The following GLRA3 variants were observed in gnomAD, a reference collection of about 807,000 sequenced individuals.
The protein encoded by GLRA3 is glycine receptor subunit alpha-3.
GLRA3 carries 44 observed loss-of-function variants against 60.4 expected under a neutral mutation model. The ratio of observed to expected loss-of-function variants is 0.73; its 90% confidence interval spans 0.57 to 0.94. The LOEUF (loss-of-function observed/expected upper bound fraction) is 0.94. Ranked by LOEUF, GLRA3 falls within the 40% of genes least tolerant of loss-of-function variation. The pLI is 0.00. For synonymous variants in GLRA3, 223 were observed against 192.9 expected, an observed-to-expected ratio of 1.16 and a Z score of -1.29; for missense variants, 508 against 564.6, an observed-to-expected ratio of 0.90 and a Z score of 1.02.
At position 174,651,761 on chromosome 4, in the gene GLRA3, C is replaced by T. The variant is rs1449160381; in HGVS notation, c.1116+4982G>A. On this transcript the variant is annotated intron_variant, in intron 9 of 9. Coordinates refer to ENST00000274093, the MANE Select transcript of GLRA3 (RefSeq NM_006529.4). ...ACAATACATGGGTTTTGCCATGTGA[C>T]TGCTAGAATTCCTTGCAAATCTAAT... Among the ~76,000 whole-genome samples, 4 of 152,176 alleles carry T rather than the reference C, an allele frequency of 2.6e-5. No homozygotes were observed. In the East Asian group the frequency reaches 7.7e-4, roughly 29 times the overall value.
At chr4:174,800,425 C>T (rs1021400207) in intron 1 of GLRA3, among the ~76,000 whole-genome samples, 4 of 152,136 alleles carry the variant, frequency 2.6e-5, no homozygotes, top group African/African-American at 4.8e-5. Flanking sequence ...ATTTCTACAT[C>T]AGACATTCTG....
chr4:174,750,401 T>G (rs1268196863), intron 3 of GLRA3, among the ~76,000 whole-genome samples: 2 of 152,144 alleles, frequency 1.3e-5, no homozygotes, highest in East Asian at 3.9e-4. Context: ...TAGTCTGTCA[T>G]ATATGAGACA....
chr4:174,700,387 T>C (rs1285196740), intron 5 of GLRA3, among the ~76,000 whole-genome samples: 1 of 152,208 alleles, frequency 6.6e-6, no homozygotes, highest in Non-Finnish European at 1.5e-5. Flanking sequence ...TCAAACTTTG[T>C]CATTATTACG....
chr4:174,647,330 C>T (rs1020869273), intron 9 of GLRA3, among the ~76,000 whole-genome samples: 3 of 151,606 alleles, frequency 2.0e-5, no homozygotes, highest in Non-Finnish European at 2.9e-5. Context: ...ATTGCTTGAA[C>T]CGGGAAGCAG....
rs141446394 is a variant in GLRA3 at position 174,818,429 on chromosome 4, A to G, written c.71+10312T>C. The stretch of plus-strand genomic sequence containing the variant: ...ATGATATGTACTTTGCCCTTTTGAA[A>G]TAGAGCAAAATTTTAGATTCACAGT... On this transcript the variant is annotated intron_variant, in intron 1 of 9. Coordinates refer to ENST00000274093, the MANE Select transcript of GLRA3 (RefSeq NM_006529.4). 1.3e-4 allele frequency among the ~76,000 whole-genome samples: 20 copies of G among 152,290 alleles called. No individual in the cohort carries two copies. The East Asian group carries it at 3.9e-3, about 29-fold the overall frequency.
At chr4:174,764,420 C>A (rs114974336) in intron 3 of GLRA3, among the ~76,000 whole-genome samples, 3,177 of 146,794 alleles carry the variant, frequency 0.022, no homozygotes, top group African/African-American at 0.081. Context: ...AATATGAATT[C>A]TCAGACATAA....
At chr4:174,746,448 C>T (rs1040198161) in intron 3 of GLRA3, among the ~76,000 whole-genome samples, 1 of 152,098 alleles carries the variant, frequency 6.6e-6, no homozygotes, top group Admixed American at 6.6e-5. Flanking sequence ...AAAAACTCAT[C>T]ACTTCACGGA....
chr4:174,684,910 G>A (rs1434040968), intron 5 of GLRA3, among the ~76,000 whole-genome samples: 1 of 152,154 alleles, frequency 6.6e-6, no homozygotes, highest in Admixed American at 6.5e-5. Flanking sequence ...TTGGGAGGCT[G>A]AGGCAGGAGA....
intron 3 of GLRA3, among the ~76,000 whole-genome samples, chr4:174,733,656 T>C (rs1001063287): frequency 1.2e-4 from 18 of 152,152 alleles, no homozygotes; most frequent in African/African-American, 3.9e-4. Context: ...CAACCTTAAA[T>C]AAACAGTTCA....
At chr4:174,683,796 G>A (rs1734451164) in intron 5 of GLRA3, among the ~76,000 whole-genome samples, 1 of 152,050 alleles carries the variant, frequency 6.6e-6, no homozygotes, top group Admixed American at 6.6e-5. Context: ...TTATTTCTGT[G>A]CACTTAAACC....
At chr4:174,725,886 G>A (rs1305504974) in intron 4 of GLRA3, among the ~76,000 whole-genome samples, 1 of 152,188 alleles carries the variant, frequency 6.6e-6, no homozygotes, top group East Asian at 1.9e-4. Context: ...TATGATGAAT[G>A]TTTCTTGGTT....
At chr4:174,666,344 A>G (rs1018716721) in intron 7 of GLRA3, among the ~76,000 whole-genome samples, 2 of 152,114 alleles carry the variant, frequency 1.3e-5, no homozygotes, top group African/African-American at 4.8e-5. Context: ...CATTATATTT[A>G]CTAGATGAAA....
intron 7 of GLRA3, among the ~76,000 whole-genome samples, chr4:174,661,895 A>T (rs1561039161): frequency 1.3e-5 from 2 of 152,248 alleles, no homozygotes; most frequent in Admixed American, 1.3e-4. Flanking sequence ...AGAAGAGTAA[A>T]AAGAAAAGCT....
At chr4:174,688,122 GA>G (rs901878576) in intron 5 of GLRA3, among the ~76,000 whole-genome samples, 1 of 150,644 alleles carries the variant, frequency 6.6e-6, no homozygotes, top group African/African-American at 2.4e-5. Flanking sequence ...TGTGTTTACA[GA>G]AAAAAAAGGA....
At chr4:174,753,836 T>C (rs1737578232) in intron 3 of GLRA3, among the ~76,000 whole-genome samples, 1 of 152,140 alleles carries the variant, frequency 6.6e-6, no homozygotes, top group Admixed American at 6.6e-5. Flanking sequence ...AGCCCAAATA[T>C]TTCAAATGCC....
At chr4:174,684,948 G>A (rs1457971204) in intron 5 of GLRA3, among the ~76,000 whole-genome samples, 1 of 152,146 alleles carries the variant, frequency 6.6e-6, no homozygotes, top group Non-Finnish European at 1.5e-5. Flanking sequence ...GGCGGAGGTT[G>A]TAGTGAGCTG....
chr4:174,805,854 CA>C (rs1740028655), intron 1 of GLRA3, among the ~76,000 whole-genome samples: 1 of 152,044 alleles, frequency 6.6e-6, no homozygotes, highest in Admixed American at 6.6e-5. Flanking sequence ...GGAAATGTTT[CA>C]GTGATGCTAT....
At chr4:174,654,434 T>C (rs561135732) in intron 9 of GLRA3, among the ~76,000 whole-genome samples, 7 of 152,268 alleles carry the variant, frequency 4.6e-5, no homozygotes, top group East Asian at 3.9e-4. Flanking sequence ...AAGATAACCA[T>C]TGTGCCTAGC....
At chr4:174,648,231 C>A (rs929773441) in intron 9 of GLRA3, among the ~76,000 whole-genome samples, 2 of 152,100 alleles carry the variant, frequency 1.3e-5, no homozygotes, top group Non-Finnish European at 2.9e-5. Flanking sequence ...GAGGCCAAGG[C>A]AGGCAGATCA....
Sources: gnomAD v4.1 joint callset for allele counts (sites outside exome capture counted in the v4.1 genomes callset) on GRCh38, gnomAD v4.1.1 for gene constraint, MANE v1.5 for transcripts, NCBI Gene and HGNC (gene_info 2026-07-23, HGNC 2026-07-21) for gene names.